Variants in TEX2 observed in about 807,000 individuals in gnomAD.
TEX2 encodes the protein testis expressed 2.
Under a neutral mutation model 106.9 loss-of-function variants are expected in TEX2, and 53 were observed. That is an observed-to-expected ratio of 0.50 (90% CI 0.40 to 0.62). The LOEUF (loss-of-function observed/expected upper bound fraction) is 0.62. TEX2 is among the 20% of genes least tolerant of loss of function. The pLI is 0.00. For missense variants in TEX2, 1,207 were observed against 1,379.0 expected (o/e 0.88, Z 1.98); for synonymous variants, 523 against 534.8 (o/e 0.98, Z 0.30).
intron 7 of TEX2, among the ~76,000 whole-genome samples, chr17:64,167,295 T>G (rs1262065019): frequency 6.6e-6 from 1 of 152,150 alleles, no homozygotes; most frequent in African/African-American, 2.4e-5. Flanking sequence ...TTTGTTTTGT[T>G]TTTGTTTATC....
chr17:64,238,658 T>C (rs924517095), intron 1 of TEX2, among the ~76,000 whole-genome samples: 10 of 152,200 alleles, frequency 6.6e-5, no homozygotes, highest in African/African-American at 2.4e-4. Context: ...CCATCAGCTC[T>C]TGTGAGAACT....
chr17:64,164,433 GAAAA>G (rs200013972), intron 7 of TEX2, among the ~76,000 whole-genome samples: 1 of 134,882 alleles, frequency 7.4e-6, no homozygotes, highest in African/African-American at 2.8e-5. Context: ...AGAAGAAGAA[GAAAA>G]AAAAAAAAAA....
At chr17:64,166,921 T>G (rs1338388848) in intron 7 of TEX2, among the ~76,000 whole-genome samples, 6 of 151,926 alleles carry the variant, frequency 3.9e-5, no homozygotes, top group Admixed American at 3.9e-4. Context: ...CATACACAGG[T>G]TTCTGGACCT....
At chr17:64,193,510 C>T in intron 4 of TEX2, 49 bp downstream of exon 4, 4 of 1,372,034 alleles carry the variant, frequency 2.9e-6, no homozygotes, top group Non-Finnish European at 3.8e-6. Context: ...CTCTATTCTC[C>T]CTAGTGGCCC....
intron 4 of TEX2, among the ~76,000 whole-genome samples, chr17:64,192,467 G>A (rs927097997): frequency 8.5e-5 from 13 of 152,224 alleles, no homozygotes; most frequent in African/African-American, 2.9e-4. Flanking sequence ...AGGATTCTAT[G>A]CAGAGTCTCA....
At chr17:64,151,223 T>C (rs948115163) in intron 10 of TEX2, among the ~76,000 whole-genome samples, 6 of 152,210 alleles carry the variant, frequency 3.9e-5, no homozygotes, top group African/African-American at 1.4e-4. Context: ...GAAAAGTCCA[T>C]GACCTGGGCA....
At chr17:64,187,624 C>T (rs938136283) in intron 5 of TEX2, among the ~76,000 whole-genome samples, 1 of 152,186 alleles carries the variant, frequency 6.6e-6, no homozygotes, top group African/African-American at 2.4e-5. Context: ...CATGGCCTCC[C>T]ATCCTGATCC....
chr17:64,192,797 C>G (rs1248718273), intron 4 of TEX2, among the ~76,000 whole-genome samples: 2 of 152,168 alleles, frequency 1.3e-5, no homozygotes, highest in East Asian at 3.9e-4. Context: ...CTCATGTGAC[C>G]AGCATAACTC....
intron 2 of TEX2, among the ~76,000 whole-genome samples, chr17:64,203,323 C>T (rs2032728985): frequency 6.6e-6 from 1 of 152,244 alleles, no homozygotes; most frequent in Non-Finnish European, 1.5e-5. Flanking sequence ...ATCCCTGTAT[C>T]ATTGCTTCAT....
At chr17:64,194,814 T>A (rs2032411843) in intron 3 of TEX2, 81 bp downstream of exon 3, 1 of 1,382,026 alleles carries the variant, frequency 7.2e-7, no homozygotes, top group Non-Finnish European at 1.0e-6. Context: ...TTTTAGGGTA[T>A]AAAAAAATGC....
chr17:64,247,268 CAAA>C (rs35005734), intron 1 of TEX2, among the ~76,000 whole-genome samples: 1 of 74,802 alleles, frequency 1.3e-5, no homozygotes. Flanking sequence ...GACTCTGTCT[CAAA>C]AAAAAAAAAG....
chr17:64,244,832 A>G (rs2033957026), intron 1 of TEX2, among the ~76,000 whole-genome samples: 1 of 152,180 alleles, frequency 6.6e-6, no homozygotes, highest in South Asian at 2.1e-4. Context: ...GCATGATACA[A>G]ATTACATGAA....
rs2030310219 is a variant in TEX2 at position 64,150,761 on chromosome 17, C to G, written c.3261+80G>C. On this transcript the variant is annotated intron_variant, in intron 11 of 11. Transcript: ENST00000584379. The stretch of plus-strand genomic sequence containing the variant: ...TCAGATTTTCAAAAGAGGATCCTGA[C>G]CCAGCTGAAGTTCAGAACCTCGGCT... 1.1e-5 allele frequency: 17 copies of G among 1,480,360 alleles called. No individual in the cohort carries two copies. The South Asian group carries it at 2.1e-4, about 18-fold the overall frequency. The allele number at this position is 1,480,360 out of a possible 1,614,324, so 91.7% of individuals were successfully genotyped here. A position where few individuals can be genotyped will look rare whatever the true frequency, so the allele number is the denominator to read the frequency against.
In TEX2 at chr17:64,177,453, A is replaced by C. The variant is rs1242047289; in HGVS notation, c.2443T>G (p.Ser815Ala). 1 of 1,613,614 alleles carries C rather than the reference A, an allele frequency of 6.2e-7. No individual in the cohort carries two copies. The highest frequency in any genetic ancestry group is 1.3e-5 in the African/African-American group (1 of 74,896). The change falls in exon 6 of 12, where the codon TCT (serine) becomes GCT (alanine). Residue 815 changes from serine (S) to alanine (A), a missense_variant. Transcript: ENST00000584379. ...AGKKLPEVPPSEEEEQEAWVN... is the reference protein window; with the variant it reads ...AGKKLPEVPPAEEEEQEAWVN... ...CAGGCTTCCTGTTCTTCCTCCTCAG[A>C]GGGTGGAACCTCTGGCAACTGGCAA...
chr17:64,172,923 GAATT>G (rs2143748705), intron 6 of TEX2, among the ~76,000 whole-genome samples: 1 of 152,166 alleles, frequency 6.6e-6, no homozygotes, highest in East Asian at 1.9e-4. Context: ...CAAGATTATA[GAATT>G]AATTCATCTA....
Position 64,253,729 on chromosome 17 carries a change from A to C in TEX2, c.-26+9439T>G, listed in dbSNP as rs541381340. Among the ~76,000 whole-genome samples the C allele has an allele frequency of 5.3e-5, 8 of 152,276 alleles. No individual in the cohort carries two copies. In the East Asian group the frequency reaches 1.2e-3, roughly 22 times the overall value. On this transcript the variant is annotated intron_variant, in intron 1 of 11. Transcript: ENST00000584379. Reference sequence around the variant, plus strand: ...GGAGGTCGAGCTTGCATTCGTAGTGAGGAGAAATGTCAATTACCTCTGGCA... The same window carrying C: ...GGAGGTCGAGCTTGCATTCGTAGTGCGGAGAAATGTCAATTACCTCTGGCA...
intron 4 of TEX2, among the ~76,000 whole-genome samples, chr17:64,189,517 A>G (rs1285477769): frequency 6.6e-6 from 1 of 152,208 alleles, no homozygotes; most frequent in Non-Finnish European, 1.5e-5. Flanking sequence ...GGCAGAGGAT[A>G]GGAAATGAGG....
At chr17:64,201,144 G>A (rs1191124791) in intron 2 of TEX2, among the ~76,000 whole-genome samples, 1 of 152,126 alleles carries the variant, frequency 6.6e-6, no homozygotes, top group Non-Finnish European at 1.5e-5. Flanking sequence ...ACCTACCTTA[G>A]CAGAAGTACT....
At chr17:64,188,461 C>A (rs773504761) in intron 4 of TEX2, 46 bp from the exon 5 acceptor site, 2 of 1,554,802 alleles carry the variant, frequency 1.3e-6, no homozygotes, top group South Asian at 2.3e-5. Flanking sequence ...AAGAAAACAA[C>A]TGCAAAGTAA....
Sources: allele counts gnomAD v4.1 joint callset (sites outside exome capture counted in the v4.1 genomes callset), GRCh38; gene constraint gnomAD v4.1.1; transcripts MANE v1.5; gene names NCBI Gene and HGNC (gene_info 2026-07-23, HGNC 2026-07-21).